Variants in PRH1 observed in about 807,000 individuals in gnomAD.
PRH1 encodes the protein salivary acidic proline-rich phosphoprotein 1/2.
A neutral mutation model predicts 7.9 loss-of-function variants in PRH1; 7 were observed. The observed-to-expected ratio is 0.89, with a 90% CI of 0.50 to 1.67. The LOEUF is 1.67. PRH1 is among the 40% of genes most tolerant of loss of function. The pLI, the probability that PRH1 is intolerant of heterozygous loss-of-function variation, is 0.00. For missense variants in PRH1, 109 were observed against 223.6 expected, an observed-to-expected ratio of 0.49 and a Z score of 3.27; for synonymous variants, 45 against 80.8, an observed-to-expected ratio of 0.56 and a Z score of 2.38.
At chr12:10,881,542 G>A (rs1949400812) in intron 3 of PRH1, among the ~76,000 whole-genome samples, 1 of 152,144 alleles carries the variant, frequency 6.6e-6, no homozygotes, top group South Asian at 2.1e-4. Flanking sequence ...TTTCCAGTGA[G>A]TAAGACACAA....
chr12:10,909,113 T>C lies in PRH1; in HGVS notation c.-58-24838A>G, dbSNP rs576483566. The C allele has an allele frequency of 8.7e-6, 14 of 1,613,782 alleles. No homozygotes were observed. The Admixed American group carries it at 2.0e-4, about 23-fold the overall frequency. Reference sequence around the variant, plus strand: ...GCAGAGCTAAAAACCAACTTACTAATATTTCCCAGATCAGCCCAATTCTGG... The same window carrying C: ...GCAGAGCTAAAAACCAACTTACTAACATTTCCCAGATCAGCCCAATTCTGG... On this transcript the variant is annotated intron_variant, in intron 2 of 3. Coordinates refer to the PRH1 transcript ENST00000539853.
chr12:10,908,131 T>A, intron 2 of PRH1: 1 of 422,994 alleles, frequency 2.4e-6, no homozygotes, highest in Non-Finnish European at 4.1e-6. Flanking sequence ...ATGTTTTTAA[T>A]TTACAATAGA....
intron 1 of PRH1, among the ~76,000 whole-genome samples, chr12:11,065,999 C>T (rs1943793038): frequency 1.3e-5 from 2 of 152,202 alleles, no homozygotes; most frequent in African/African-American, 4.8e-5. Context: ...CACAGCTCCA[C>T]CTTTCTATTC....
chr12:11,171,499 A>T, upstream of PRH1: 1 of 1,231,662 alleles, frequency 8.1e-7, no homozygotes, highest in Non-Finnish European at 1.0e-6. Context: ...CTGCGCATGA[A>T]CTTCCCGTAC....
intron 1 of PRH1, among the ~76,000 whole-genome samples, chr12:11,093,381 A>T (rs1944989249): frequency 8.6e-6 from 1 of 116,018 alleles, no homozygotes; most frequent in South Asian, 2.4e-4. Flanking sequence ...AAACTCATAA[A>T]TATGCACACA....
intron 1 of PRH1, among the ~76,000 whole-genome samples, chr12:11,127,639 C>T (rs975298618): frequency 3.3e-5 from 5 of 152,308 alleles, no homozygotes; most frequent in East Asian, 1.9e-4. Flanking sequence ...CACATACACA[C>T]CCCTCATGGT....
At chr12:11,121,136 C>T (rs1945889642) in exon 2 of PRH1, 1 of 152,924 alleles carries the variant, frequency 6.5e-6, no homozygotes, top group Admixed American at 6.5e-5. Context: ...CTGGCACCTT[C>T]TTGTCACATG....
chr12:10,953,055 A>G (rs1937765031), intron 2 of PRH1, among the ~76,000 whole-genome samples: 1 of 152,152 alleles, frequency 6.6e-6, no homozygotes, highest in Admixed American at 6.5e-5. Flanking sequence ...AAAATCTACC[A>G]GAAACAAACT....
intron 1 of PRH1, among the ~76,000 whole-genome samples, chr12:11,103,240 A>ACG (rs141982459): frequency 6.6e-4 from 31 of 46,878 alleles, no homozygotes; most frequent in African/African-American, 1.8e-3. Context: ...ACACATGCAC[A>ACG]TATGTTTATT....
chr12:11,104,114 A>C (rs945452678), intron 1 of PRH1, among the ~76,000 whole-genome samples: 1 of 150,714 alleles, frequency 6.6e-6, no homozygotes, highest in South Asian at 2.1e-4. Flanking sequence ...CTTTATTTAG[A>C]TATTTGATTC....
chr12:10,986,404 T>C (rs762807288), intron 1 of PRH1: 91 of 1,613,964 alleles, frequency 5.6e-5, no homozygotes, highest in Non-Finnish European at 6.9e-5. Context: ...TCTGCCCACA[T>C]ACTCTCATCC....
At chr12:10,925,243 A>C (rs1950108115) in intron 2 of PRH1, among the ~76,000 whole-genome samples, 1 of 152,112 alleles carries the variant, frequency 6.6e-6, no homozygotes, top group East Asian at 1.9e-4. Flanking sequence ...ATAACACCTT[A>C]GTAATAATAT....
chr12:11,118,265 G>C (rs763786872), downstream of PRH1, among the ~76,000 whole-genome samples: 8 of 152,060 alleles, frequency 5.3e-5, no homozygotes, highest in Non-Finnish European at 1.2e-4. Context: ...TGAAATATTT[G>C]GATAGTCATT....
chr12:11,084,012 C>A lies in PRH1; in HGVS notation n.124-36824G>T, dbSNP rs182450291. ...AATGTTGTAAATCAATCCTACCTCA[C>A]ACCCCTCCTTCTTTTTGCAAATCCT... On this transcript the variant is annotated intron_variant and non_coding_transcript_variant, in intron 1 of 4. Coordinates refer to the PRH1 transcript ENST00000541977. Among the ~76,000 whole-genome samples, 16 of 121,552 alleles carry A rather than the reference C, an allele frequency of 1.3e-4. 1 individual carries two copies. The East Asian group carries it at 2.7e-3, about 20-fold the overall frequency. The allele number at this position is 121,552 out of a possible 152,430, so 79.7% of individuals were successfully genotyped here. A position where few individuals can be genotyped will look rare whatever the true frequency, so the allele number is the denominator to read the frequency against.
At chr12:11,104,848 T>A (rs1490675762) in intron 1 of PRH1, among the ~76,000 whole-genome samples, 1 of 152,058 alleles carries the variant, frequency 6.6e-6, no homozygotes, top group African/African-American at 2.4e-5. Flanking sequence ...TACATTTTTG[T>A]ATTTATATAA....
At chr12:11,088,476 A>G (rs889370077) in intron 1 of PRH1, among the ~76,000 whole-genome samples, 2 of 106,118 alleles carry the variant, frequency 1.9e-5, no homozygotes, top group African/African-American at 6.5e-5. Flanking sequence ...ACCTGAGAAG[A>G]TTCAGGGACC....
At chr12:11,047,293 A>G (rs1942938424), upstream of PRH1, 1 of 257,886 alleles carries the variant, frequency 3.9e-6, no homozygotes, top group African/African-American at 2.2e-5. Flanking sequence ...TATCATCAAT[A>G]TATAGATTAG....
At chr12:11,132,235 A>G (rs1309966387) in intron 1 of PRH1, among the ~76,000 whole-genome samples, 7 of 152,278 alleles carry the variant, frequency 4.6e-5, no homozygotes, top group Admixed American at 1.3e-4. Flanking sequence ...ACTAGGACAA[A>G]TCCCATAATT....
intron 1 of PRH1, among the ~76,000 whole-genome samples, chr12:10,992,983 T>C (rs555139066): frequency 7.9e-5 from 12 of 152,296 alleles, no homozygotes; most frequent in Non-Finnish European, 1.2e-4. Flanking sequence ...AGGAATAGAA[T>C]TGGTCACCGA....
Sources: gnomAD v4.1 joint callset for allele counts (sites outside exome capture counted in the v4.1 genomes callset) on GRCh38, gnomAD v4.1.1 for gene constraint, MANE v1.5 for transcripts, NCBI Gene and HGNC (gene_info 2026-07-23, HGNC 2026-07-21) for gene names.